FREM2: variants seen among roughly 807,000 people sequenced by gnomAD.
FREM2 encodes FRAS1-related extracellular matrix protein 2.
Under a neutral mutation model 219.9 loss-of-function variants are expected in FREM2, and 119 were observed. The ratio of observed to expected loss-of-function variants is 0.54; its 90% CI spans 0.47 to 0.63. The LOEUF (loss-of-function observed/expected upper bound fraction) is 0.63. FREM2 is among the 30% of genes least tolerant of loss of function. The probability of loss-of-function intolerance (pLI) is 0.00; values close to 1 mark genes in which losing one functional copy is unlikely to be tolerated. For synonymous variants in FREM2, 1,562 were observed against 1,522.8 expected (o/e 1.03, Z -0.60); for missense variants, 4,030 against 3,993.6 (o/e 1.01, Z -0.25).
At chr13:38,693,541 T>C (rs767295547) in intron 1 of FREM2, among the ~76,000 whole-genome samples, 71 of 152,194 alleles carry the variant, frequency 4.7e-4, no homozygotes, top group Non-Finnish European at 1.8e-4. Flanking sequence ...GGCTCCGTTC[T>C]GCAGAACATG....
In FREM2 at chr13:38,881,140, T is replaced by C. The variant is rs537558193; in HGVS notation, c.*353T>C. 3.0e-6 allele frequency: 1 copy of C among 336,862 alleles called. No homozygotes were observed. Among genetic ancestry groups the C allele is most frequent in the South Asian group, 2.9e-5 (1 of 34,466 alleles). 20.9% of individuals were successfully genotyped at this position (336,862 alleles called of 1,614,324 possible). A position where few individuals can be genotyped will look rare whatever the true frequency, so the allele number is the denominator to read the frequency against. On this transcript the variant is annotated 3_prime_UTR_variant, in exon 24 of 24. Coordinates refer to ENST00000280481, the MANE Select transcript of FREM2 (RefSeq NM_207361.6). ...TCTTACAAGTGTAAGAGGAATCTACTGTTGCTATGTTAGTGTGAATGTTGA... is the reference window on the plus strand; with the variant it reads ...TCTTACAAGTGTAAGAGGAATCTACCGTTGCTATGTTAGTGTGAATGTTGA...
intron 6 of FREM2, among the ~76,000 whole-genome samples, chr13:38,820,934 A>T (rs959539671): frequency 6.6e-6 from 1 of 152,190 alleles, no homozygotes; most frequent in Admixed American, 6.6e-5. Flanking sequence ...AGACAGCAGC[A>T]TCTCCACGTA....
At position 38,877,079 on chromosome 13, in the gene FREM2, CCACTGATGCATAAAAGAA is replaced by C. The variant is rs1056956064; in HGVS notation, c.8545-36_8545-19del. On this transcript the variant is annotated intron_variant, in intron 20 of 23. Coordinates refer to ENST00000280481, the MANE Select transcript of FREM2 (RefSeq NM_207361.6). ...ACAGTATGTTTGTGCACCATCAGAA[CCACTGATGCATAAAAGAA>C]CTTTTACCTTTGGTTTTAGGTCAGT... The C allele has an allele frequency of 6.2e-7, 1 of 1,611,182 alleles. No individual in the cohort carries two copies. Among genetic ancestry groups the C allele is most frequent in the African/African-American group, 1.3e-5 (1 of 74,860 alleles).
intron 6 of FREM2, among the ~76,000 whole-genome samples, chr13:38,843,516 C>A (rs1877038496): frequency 6.6e-6 from 1 of 151,600 alleles, no homozygotes; most frequent in Admixed American, 6.6e-5. Context: ...GAGGGACAAG[C>A]AATTATTCTG....
At chr13:38,722,139 C>A (rs1208178940) in intron 2 of FREM2, among the ~76,000 whole-genome samples, 1 of 152,114 alleles carries the variant, frequency 6.6e-6, no homozygotes, top group Non-Finnish European at 1.5e-5. Context: ...CCTGCCTCCG[C>A]CTCCCTAGTA....
At position 38,691,196 on chromosome 13, in the gene FREM2, G is replaced by A. The variant is rs767111167; in HGVS notation, c.3852G>A (p.Gly1284=). The A allele has an allele frequency of 6.2e-6, 10 of 1,614,012 alleles. No homozygotes were observed. Among genetic ancestry groups the A allele is most frequent in the Middle Eastern group, 1.6e-4 (1 of 6,062 alleles). ...GTTTTGTGATTAAACTAACAGATGG[G>A]AAGCACTCTGTGGAAAAGACGGTCC... ...EDSFVIKLTD[G]KHSVEKTVLI... is the part of the protein sequence containing the mutation. Residue 1284 remains glycine, a synonymous_variant, in exon 1 of 24, where the codon GGG becomes GGA. Transcript: ENST00000280481.
intron 11 of FREM2, among the ~76,000 whole-genome samples, chr13:38,852,648 C>G (rs1030492115): frequency 6.6e-6 from 1 of 151,164 alleles, no homozygotes; most frequent in African/African-American, 2.4e-5. Context: ...ATTTAGGAGC[C>G]ACTTAGAGAT....
chr13:38,764,843 C>T (rs1873371166), intron 3 of FREM2, among the ~76,000 whole-genome samples: 1 of 152,182 alleles, frequency 6.6e-6, no homozygotes. Flanking sequence ...TGCTTTACTT[C>T]GTTTAAATAA....
In FREM2 at chr13:38,882,540, A is replaced by G. The variant is rs955507782; in HGVS notation, c.*1753A>G. The G allele has an allele frequency of 6.6e-6, 1 of 152,154 alleles. No individual in the cohort carries two copies. The highest frequency in any genetic ancestry group is 1.5e-5 in the Non-Finnish European group (1 of 68,030). 9.4% of individuals were successfully genotyped at this position (152,154 alleles called of 1,614,324 possible). A position where few individuals can be genotyped will look rare whatever the true frequency, so the allele number is the denominator to read the frequency against. ...TTCATGTTCAGTTTTTTAAAAATAG[A>G]CTGTAGTATCCTTTCATTGGAGAAT... On this transcript the variant is annotated 3_prime_UTR_variant, in exon 24 of 24. Coordinates refer to ENST00000280481, the MANE Select transcript of FREM2 (RefSeq NM_207361.6).
rs371834810 is a variant in FREM2, at chr13:38,687,976, C to G, written c.632C>G (p.Pro211Arg). Residue 211 changes from proline to arginine, a missense_variant, in exon 1 of 24, where the codon CCC becomes CGC. Pro to Arg is a moderately radical substitution (Grantham distance 103). This residue lies in a region of FREM2 where 3,102 missense variants were observed against 2,950.7 expected (regional missense o/e 1.05). Coordinates refer to ENST00000280481, the MANE Select transcript of FREM2 (RefSeq NM_207361.6). ...CGGAGCCTGGAGTTCGCCTTCCAGC[C>G]CGAGACAGAGGAGTGCCGCGTGGGC... ...DARSLEFAFQ[P>R]ETEECRVGIL... is the part of the protein sequence containing the mutation. 1.0e-4 allele frequency: 168 copies of G among 1,612,826 alleles called. No individual in the cohort carries two copies. The highest frequency in any genetic ancestry group is 1.4e-4 in the Non-Finnish European group (160 of 1,179,458).
chr13:38,783,474 A>T (rs1218390268), intron 5 of FREM2, among the ~76,000 whole-genome samples: 3 of 7,102 alleles, frequency 4.2e-4, no homozygotes, highest in East Asian at 1.6e-3. Flanking sequence ...GTTACTATAT[A>T]AAAAAAAAAA....
chr13:38,710,375 A>G (rs958126935), intron 2 of FREM2, among the ~76,000 whole-genome samples: 5 of 152,210 alleles, frequency 3.3e-5, no homozygotes, highest in Admixed American at 1.3e-4. Flanking sequence ...ACTGGAATGC[A>G]AAGTTTAATT....
chr13:38,765,825 C>T (rs1291685668), intron 3 of FREM2, among the ~76,000 whole-genome samples: 2 of 151,814 alleles, frequency 1.3e-5, no homozygotes, highest in Non-Finnish European at 3.0e-5. Context: ...CACCCCCAGC[C>T]TCTGCTTCCA....
chr13:38,741,888 GAA>G (rs1872263639), intron 2 of FREM2, among the ~76,000 whole-genome samples: 1 of 152,078 alleles, frequency 6.6e-6, no homozygotes, highest in Non-Finnish European at 1.5e-5. Flanking sequence ...CTTGTCTGGA[GAA>G]AAAGACACTG....
At chr13:38,733,446 C>A (rs1229767335) in intron 2 of FREM2, among the ~76,000 whole-genome samples, 1 of 152,004 alleles carries the variant, frequency 6.6e-6, no homozygotes, top group Admixed American at 6.6e-5. Flanking sequence ...GATGATACCT[C>A]CCCTTACTAT....
intron 6 of FREM2, among the ~76,000 whole-genome samples, chr13:38,805,307 A>C (rs1371711778): frequency 2.0e-5 from 3 of 151,936 alleles, no homozygotes; most frequent in Non-Finnish European, 2.9e-5. Context: ...CATAACTAGG[A>C]CATCACAGAG....
chr13:38,782,919 C>T lies in FREM2; in HGVS notation c.5642-151C>T, dbSNP rs868796744. 28 of 962,338 alleles carry T rather than the reference C, an allele frequency of 2.9e-5. No homozygotes were observed. In the South Asian group the frequency reaches 3.4e-4, roughly 12 times the overall value. 59.6% of individuals were successfully genotyped at this position (962,338 alleles called of 1,614,324 possible). A position where few individuals can be genotyped will look rare whatever the true frequency, so the allele number is the denominator to read the frequency against. ...TCCCTTTATACCCACTTCTTTTCCC[C>T]TCTCCTTCCTCCTTTTCCTCCCACT... On this transcript the variant is annotated intron_variant, in intron 4 of 23. Transcript: ENST00000280481.
rs540246775 is a variant in FREM2 at position 38,809,876 on chromosome 13, G to T, written c.6019+25068G>T. On this transcript the variant is annotated intron_variant, in intron 6 of 23. Transcript: ENST00000280481. ...TTCTACTTCTGTGAAGAATGTTATT[G>T]GTATTTTTATAGGGATTGCATTAAA... Among the ~76,000 whole-genome samples the T allele has an allele frequency of 5.9e-5, 9 of 152,046 alleles. No individual in the cohort carries two copies. The South Asian group carries it at 1.7e-3, about 28-fold the overall frequency.
chr13:38,793,957 G>T (rs550979027), intron 6 of FREM2, among the ~76,000 whole-genome samples: 1 of 142,960 alleles, frequency 7.0e-6, no homozygotes, highest in Admixed American at 7.2e-5. Context: ...AAAAAACAAT[G>T]AATTTATTTA....
Sources: gnomAD v4.1 joint callset for allele counts (sites outside exome capture counted in the v4.1 genomes callset) on GRCh38, gnomAD v4.1.1 for gene constraint, gnomAD v4.1.1 regional missense constraint, MANE v1.5 for transcripts, NCBI Gene and HGNC (gene_info 2026-07-23, HGNC 2026-07-21) for gene names.